PTK2B: variants seen among roughly 807,000 people sequenced by gnomAD.
PTK2B encodes protein-tyrosine kinase 2-beta.
A neutral mutation model predicts 142.9 loss-of-function variants in PTK2B; 71 were observed. That is an observed-to-expected ratio of 0.50 (90% CI 0.41 to 0.61). The LOEUF (loss-of-function observed/expected upper bound fraction) is 0.61. Ranked by LOEUF, PTK2B falls within the 20% of genes least tolerant of loss-of-function variation. PTK2B has a pLI of 0.00. For missense variants in PTK2B, 1,105 were observed against 1,320.4 expected (o/e 0.84, Z 2.53); for synonymous variants, 519 against 503.4 (o/e 1.03, Z -0.42).
rs761403858 is a variant in PTK2B, at chr8:27,420,787, C to T, written c.471+43C>T. On this transcript the variant is annotated intron_variant, in intron 4 of 30. Coordinates refer to ENST00000346049, the MANE Select transcript of PTK2B (RefSeq NM_173176.3). ...TTCTTGCCCCGAGGCTCCCATTACA[C>T]CTCAAATGCCAAGCATGAACCGTTC... 2.6e-6 allele frequency: 4 copies of T among 1,513,510 alleles called. No homozygotes were observed. The East Asian group carries it at 6.8e-5, about 26-fold the overall frequency. 93.8% of individuals were successfully genotyped at this position (1,513,510 alleles called of 1,614,324 possible).
intron 1 of PTK2B, among the ~76,000 whole-genome samples, chr8:27,332,532 T>C (rs935183603): frequency 1.6e-4 from 24 of 152,174 alleles, no homozygotes; most frequent in Non-Finnish European, 1.5e-5. Context: ...TGAATGTTTC[T>C]CCCCATCACC....
intron 2 of PTK2B, among the ~76,000 whole-genome samples, chr8:27,410,785 CTTCT>C (rs1809011064): frequency 6.6e-6 from 1 of 152,212 alleles, no homozygotes; most frequent in Non-Finnish European, 1.5e-5. Context: ...GGTCCTGTTG[CTTCT>C]TTGTTTCTGA....
At chr8:27,412,150 A>G (rs1809104132) in intron 2 of PTK2B, among the ~76,000 whole-genome samples, 1 of 144,920 alleles carries the variant, frequency 6.9e-6, no homozygotes, top group African/African-American at 2.5e-5. Context: ...AGGCCTTATT[A>G]TACAGGCATC....
intron 2 of PTK2B, among the ~76,000 whole-genome samples, chr8:27,407,534 A>T (rs1486218451): frequency 2.6e-5 from 4 of 152,148 alleles, no homozygotes; most frequent in Admixed American, 6.5e-5. Context: ...AGGGCCTCAG[A>T]TCCCTTTCTT....
intron 3 of PTK2B, among the ~76,000 whole-genome samples, chr8:27,317,480 T>C (rs1162588961): frequency 6.6e-6 from 1 of 152,224 alleles, no homozygotes; most frequent in East Asian, 1.9e-4. Flanking sequence ...ACCAATGTTT[T>C]GTAGTTCTCA....
At chr8:27,332,812 G>A (rs1427795428) in intron 1 of PTK2B, among the ~76,000 whole-genome samples, 10 of 152,140 alleles carry the variant, frequency 6.6e-5, no homozygotes, top group African/African-American at 2.2e-4. Flanking sequence ...GAACACCTGG[G>A]CTCAAGCAAT....
chr8:27,428,291 C>G (rs981556568), intron 5 of PTK2B, among the ~76,000 whole-genome samples: 2 of 152,220 alleles, frequency 1.3e-5, no homozygotes, highest in African/African-American at 4.8e-5. Context: ...CTGCTCACAT[C>G]CTGCTCTGTG....
intron 2 of PTK2B, among the ~76,000 whole-genome samples, chr8:27,403,611 C>A (rs959445727): frequency 7.9e-5 from 12 of 152,102 alleles, no homozygotes; most frequent in African/African-American, 2.9e-4. Context: ...ATTTCTGGGG[C>A]AAGCAGAGGC....
intron 1 of PTK2B, among the ~76,000 whole-genome samples, chr8:27,376,482 T>C (rs1450388624): frequency 6.6e-6 from 1 of 152,232 alleles, no homozygotes; most frequent in Non-Finnish European, 1.5e-5. Flanking sequence ...AACTCCATCT[T>C]AAACAGGAGC....
intron 2 of PTK2B, among the ~76,000 whole-genome samples, chr8:27,403,963 T>TC (rs1488782697): frequency 2.6e-5 from 4 of 151,400 alleles, no homozygotes; most frequent in Non-Finnish European, 5.9e-5. Context: ...CTCCTCCTCC[T>TC]CTCTCTGTCT....
intron 1 of PTK2B, among the ~76,000 whole-genome samples, chr8:27,369,067 G>C (rs1318597961): frequency 6.6e-6 from 1 of 152,194 alleles, no homozygotes; most frequent in Non-Finnish European, 1.5e-5. Flanking sequence ...GCTGCAGCTG[G>C]TTGCTTCTCA....
At chr8:27,403,321 G>A (rs141859930) in intron 2 of PTK2B, among the ~76,000 whole-genome samples, 16 of 152,218 alleles carry the variant, frequency 1.1e-4, no homozygotes, top group Non-Finnish European at 2.9e-5. Flanking sequence ...CAGTCCACAT[G>A]GCAACACATT....
chr8:27,437,214 C>A lies in PTK2B; in HGVS notation c.1426+8C>A. 1.9e-6 allele frequency: 3 copies of A among 1,610,254 alleles called. No homozygotes were observed. The highest frequency in any genetic ancestry group is 2.5e-6 in the Non-Finnish European group (3 of 1,176,546). Reference sequence around the variant, plus strand: ...AGTTCATGAGCGAGGCAGGTAGGGACCCCTGAGACCAACCAGGCCTCCAAG... The same window carrying A: ...AGTTCATGAGCGAGGCAGGTAGGGAACCCTGAGACCAACCAGGCCTCCAAG... On this transcript the variant is annotated splice_region_variant and intron_variant, in intron 16 of 30. Coordinates refer to ENST00000346049, the MANE Select transcript of PTK2B (RefSeq NM_173176.3).
intron 2 of PTK2B, among the ~76,000 whole-genome samples, chr8:27,414,331 A>T (rs935672008): frequency 2.6e-5 from 4 of 151,320 alleles, no homozygotes; most frequent in African/African-American, 9.7e-5. Context: ...TGCAAGCTCC[A>T]CCTCCTGGGT....
intron 1 of PTK2B, 40 bp from the exon 2 acceptor site, chr8:27,397,508 G>A: frequency 1.3e-6 from 2 of 1,504,150 alleles, no homozygotes; most frequent in Non-Finnish European, 1.8e-6. Flanking sequence ...GTGGGCCTGT[G>A]TGGGGCTCTT....
At chr8:27,437,609 G>T (rs1484138746) in intron 17 of PTK2B, 113 bp downstream of exon 17, 67 of 1,202,370 alleles carry the variant, frequency 5.6e-5, no homozygotes, top group Middle Eastern at 4.9e-4. Context: ...TAAGCCAGAG[G>T]CCCTGTTTGT....
In PTK2B at chr8:27,353,932, G is replaced by C. The variant is rs75624855; in HGVS notation, c.-38+28251G>C. On this transcript the variant is annotated intron_variant, in intron 1 of 30. Coordinates refer to ENST00000346049, the MANE Select transcript of PTK2B (RefSeq NM_173176.3). ...AGTTGCAGATGACAGAAACCCAAAA[G>C]AGAGGATTCACCTTGGCTCACATAC... is the stretch of plus-strand genomic sequence containing the variant. Among the ~76,000 whole-genome samples the C allele has an allele frequency of 1.6e-3, 243 of 152,252 alleles. 8 individuals carry two copies. The East Asian group carries it at 0.045, about 28-fold the overall frequency.
intron 1 of PTK2B, among the ~76,000 whole-genome samples, chr8:27,361,827 C>T (rs1057473819): frequency 2.0e-5 from 3 of 152,048 alleles, no homozygotes; most frequent in Admixed American, 1.3e-4. Flanking sequence ...GAAGTCTATC[C>T]GCCCCCCTGC....
At chr8:27,311,607 G>T (rs555529584) in exon 1 of PTK2B, 8 of 294,530 alleles carry the variant, frequency 2.7e-5, no homozygotes, top group Non-Finnish European at 4.4e-5. Context: ...GGGAAAAGGA[G>T]CCTCTACCTT....
Sources: allele counts gnomAD v4.1 joint callset (sites outside exome capture counted in the v4.1 genomes callset), GRCh38; gene constraint gnomAD v4.1.1; transcripts MANE v1.5; gene names NCBI Gene and HGNC (gene_info 2026-07-23, HGNC 2026-07-21).